The following MBP variants were observed in gnomAD, a reference collection of about 807,000 sequenced individuals.
The protein encoded by MBP is Golli-MBP.
In MBP, 16 loss-of-function variants were observed where a neutral mutation model predicts 35.8. The observed-to-expected ratio is 0.45, with a 90% CI of 0.30 to 0.68. MBP has a LOEUF of 0.68. MBP is among the 30% of genes least tolerant of loss of function. The pLI is 0.08. For missense variants in MBP, 380 were observed against 404.7 expected, an observed-to-expected ratio of 0.94 and a Z score of 0.52; for synonymous variants, 143 against 159.6, an observed-to-expected ratio of 0.90 and a Z score of 0.78.
Position 77,072,065 on chromosome 18 carries a change from C to T in MBP, c.52-5680G>A, listed in dbSNP as rs183687780. Among the ~76,000 whole-genome samples the T allele has an allele frequency of 6.3e-3, 964 of 152,308 alleles. 4 individuals are homozygous for T. The highest frequency in any genetic ancestry group is 9.2e-3 in the Non-Finnish European group (625 of 68,020). On this transcript the variant is annotated intron_variant, in intron 2 of 8. Coordinates refer to ENST00000355994, the MANE Select transcript of MBP (RefSeq NM_001025101.2). ...AAAGCCCAGCTGAAGCTTCCTATGA[C>T]GTCACAGGCGACACAGTCATATGTG...
At chr18:77,001,514 G>A (rs1193397470) in intron 4 of MBP, among the ~76,000 whole-genome samples, 3 of 152,208 alleles carry the variant, frequency 2.0e-5, no homozygotes, top group Admixed American at 2.0e-4. Context: ...GAGACACAAG[G>A]AGAAGTGTGC....
intron 7 of MBP, chr18:76,986,094 G>C: frequency 1.0e-6 from 1 of 985,570 alleles, no homozygotes; most frequent in Non-Finnish European, 1.2e-6. Flanking sequence ...AACAATGGGG[G>C]GCGAAGTGTC....
In MBP at chr18:77,069,105, C is replaced by A. The variant is rs184854148; in HGVS notation, c.52-2720G>T. 6.6e-6 allele frequency: 3 copies of A among 456,178 alleles called. No homozygotes were observed. The East Asian group carries it at 2.1e-4, about 32-fold the overall frequency. The allele number at this position is 456,178 out of a possible 1,614,324, so 28.3% of individuals were successfully genotyped here. On this transcript the variant is annotated intron_variant, in intron 2 of 8. Coordinates refer to ENST00000355994, the MANE Select transcript of MBP (RefSeq NM_001025101.2). ...TTGTTTTATTCCCCTCCCTGTGATG[C>A]GGTGAATACTGTGAGAACAAGAACA...
chr18:77,105,326 C>G (rs934521531), intron 1 of MBP, 40 bp from the exon 2 acceptor site: 1 of 1,289,564 alleles, frequency 7.8e-7, no homozygotes. Flanking sequence ...AAGTCTAGTG[C>G]TCTTAGAGTT....
At chr18:77,089,657 G>C (rs548927358) in intron 2 of MBP, among the ~76,000 whole-genome samples, 3 of 152,214 alleles carry the variant, frequency 2.0e-5, no homozygotes, top group Non-Finnish European at 2.9e-5. Flanking sequence ...GTGGCAGTTC[G>C]TGGGAGTAGC....
At position 77,131,324 on chromosome 18, in the gene MBP, G is replaced by A. The variant is rs1056483888; in HGVS notation, c.-26+1256C>T. 6.6e-6 allele frequency among the ~76,000 whole-genome samples: 1 copy of A among 152,100 alleles called. No individual in the cohort carries two copies. Among genetic ancestry groups the A allele is most frequent in the Non-Finnish European group, 1.5e-5 (1 of 68,006 alleles). ...GGTGACCGTCCTTAAACTGTCCCCC[G>A]GAGCTTCGCCAGATAAAATGTCCAA... On this transcript the variant is annotated intron_variant, in intron 1 of 8. Transcript: ENST00000355994. This position sits in a 1 kb window ranked among gnomAD's most constrained non-coding sequence, Gnocchi z 5.5.
chr18:77,014,258 C>T (rs117326003), intron 4 of MBP: 29,729 of 985,374 alleles, frequency 0.03, 446 homozygotes, highest in South Asian at 0.071. Flanking sequence ...CGGGGGCGGC[C>T]GCTCCAACAT....
intron 1 of MBP, among the ~76,000 whole-genome samples, chr18:77,121,331 T>C (rs1326466029): frequency 6.6e-6 from 1 of 150,914 alleles, no homozygotes; most frequent in African/African-American, 2.4e-5. Flanking sequence ...AATAAATAAA[T>C]AAGATTTTTA....
rs572017418 is a variant in MBP at position 76,984,778 on chromosome 18, C to T, written c.867G>A (p.Lys289=). Residue 289 remains lysine, a synonymous_variant, in exon 8 of 9, where the codon AAG becomes AAA. Transcript: ENST00000355994. The part of the protein sequence containing the change: ...DAQGTLSKIF[K]LGGRDSRSGS... ...AGCTGAGCAGAGGGTACCTTACCAG[C>T]TTAAAAATTTTGGAAAGCGTGCCCT... The T allele has an allele frequency of 1.3e-4, 215 of 1,614,046 alleles. 4 individuals are homozygous for T. The South Asian group carries it at 2.1e-3, about 16-fold the overall frequency.
chr18:77,102,679 T>G lies in MBP; in HGVS notation c.51+2532A>C, dbSNP rs1368396198. ...TAGCATTAAACAAATTAAAAACATATGTGGGTGTTTTACAGCGTCAAACAA... is the reference window on the plus strand; with the variant it reads ...TAGCATTAAACAAATTAAAAACATAGGTGGGTGTTTTACAGCGTCAAACAA... On this transcript the variant is annotated intron_variant, in intron 2 of 8. Coordinates refer to ENST00000355994, the MANE Select transcript of MBP (RefSeq NM_001025101.2). The surrounding 1 kb of genome is among the most constrained non-coding windows in gnomAD (Gnocchi z 4.4). Among the ~76,000 whole-genome samples, 1 of 152,182 alleles carries G rather than the reference T, an allele frequency of 6.6e-6. No homozygotes were observed. The highest frequency in any genetic ancestry group is 6.5e-5 in the Admixed American group (1 of 15,276).
At chr18:77,110,530 A>T (rs1483467706) in intron 1 of MBP, 1 of 147,772 alleles carries the variant, frequency 6.8e-6, no homozygotes, top group African/African-American at 2.5e-5. Context: ...CCAGTCCCCC[A>T]CCTTCCCTTC....
intron 4 of MBP, among the ~76,000 whole-genome samples, chr18:77,000,878 C>T (rs1970593111): frequency 6.6e-6 from 1 of 152,168 alleles, no homozygotes; most frequent in Admixed American, 6.5e-5. Context: ...GCATCATTTC[C>T]ACTCGGATTT....
At chr18:76,992,077 A>C (rs1198473404) in intron 4 of MBP, among the ~76,000 whole-genome samples, 4 of 152,130 alleles carry the variant, frequency 2.6e-5, no homozygotes, top group Non-Finnish European at 5.9e-5. Flanking sequence ...CACGGCACAC[A>C]TCAGGTCTGA....
intron 4 of MBP, among the ~76,000 whole-genome samples, chr18:77,001,766 C>T (rs2123301244): frequency 6.6e-6 from 1 of 152,268 alleles, no homozygotes; most frequent in East Asian, 1.9e-4. Context: ...AGGAGAATCA[C>T]CTGAACCTGG....
intron 1 of MBP, among the ~76,000 whole-genome samples, chr18:77,105,944 G>A (rs1022533967): frequency 9.2e-5 from 14 of 152,146 alleles, no homozygotes; most frequent in African/African-American, 3.4e-4. Flanking sequence ...TGCAAAGAAC[G>A]GAAGAATTGA....
intron 2 of MBP, among the ~76,000 whole-genome samples, chr18:77,080,796 G>C (rs1317306362): frequency 6.6e-6 from 1 of 152,036 alleles, no homozygotes; most frequent in African/African-American, 2.4e-5. Flanking sequence ...CAATTCTCCT[G>C]CCTCAGCCTC....
At chr18:77,048,669 G>C (rs1326421726) in intron 3 of MBP, among the ~76,000 whole-genome samples, 7 of 151,946 alleles carry the variant, frequency 4.6e-5, no homozygotes, top group African/African-American at 1.7e-4. Context: ...TCACCATGTT[G>C]GTCAGGCTGG....
rs943530105 is a variant in MBP at position 76,988,070 on chromosome 18, C to T, written c.750+425G>A. On this transcript the variant is annotated intron_variant, in intron 7 of 8. Coordinates refer to ENST00000355994, the MANE Select transcript of MBP (RefSeq NM_001025101.2). The surrounding 1 kb of genome is among the most constrained non-coding windows in gnomAD (Gnocchi z 5.2). ...TTCTGTTCATCAGCAGAATCATTTT[C>T]CCAGTGTCAGCATCTGGGGTCACTG... is the stretch of plus-strand genomic sequence containing the variant. 21 of 1,450,110 alleles carry T rather than the reference C, an allele frequency of 1.4e-5. No individual in the cohort carries two copies. The East Asian group carries it at 5.1e-4, about 35-fold the overall frequency. 89.8% of individuals were successfully genotyped at this position (1,450,110 alleles called of 1,614,324 possible). A position where few individuals can be genotyped will look rare whatever the true frequency, so the allele number is the denominator to read the frequency against.
At chr18:77,040,625 C>T (rs531006572) in intron 3 of MBP, among the ~76,000 whole-genome samples, 13 of 152,228 alleles carry the variant, frequency 8.5e-5, no homozygotes, top group Non-Finnish European at 1.5e-4. Context: ...GAAATAATGC[C>T]GCGTATCTAC....
Sources: gnomAD v4.1 joint callset for allele counts (sites outside exome capture counted in the v4.1 genomes callset) on GRCh38, gnomAD v4.1.1 for gene constraint, Gnocchi (gnomAD v3.1) non-coding constraint, MANE v1.5 for transcripts, NCBI Gene and HGNC (gene_info 2026-07-23, HGNC 2026-07-21) for gene names.